ACCSL: variants seen among roughly 807,000 people sequenced by gnomAD.
ACCSL encodes the protein 1-aminocyclopropane-1-carboxylate synthase homolog (inactive) like, also known as probable inactive 1-aminocyclopropane-1-carboxylate synthase-like protein 2.
In ACCSL, 55 loss-of-function variants were observed where a neutral mutation model predicts 61.7. That is an observed-to-expected ratio of 0.89 (90% CI 0.72 to 1.12). ACCSL has a LOEUF of 1.12. ACCSL is among the 50% of genes most tolerant of loss of function. The pLI, the probability that ACCSL is intolerant of heterozygous loss-of-function variation, is 0.00. For synonymous variants in ACCSL, 258 were observed against 264.3 expected (o/e 0.98, Z 0.23); for missense variants, 632 against 698.0 (o/e 0.91, Z 1.07).
At chr11:43,949,051 A>G in the ACCSL span, among the ~76,000 whole-genome samples, 2 of 151,946 alleles carry the variant, frequency 1.3e-5, no homozygotes, top group South Asian at 4.2e-4. Flanking sequence ...ATGGACAACC[A>G]CTCTCAGGGC....
At chr11:43,986,422 C>T in the ACCSL span, among the ~76,000 whole-genome samples, 1 of 151,890 alleles carries the variant, frequency 6.6e-6, no homozygotes, top group Non-Finnish European at 1.5e-5. Context: ...AGAGTAAGAC[C>T]CGGGCTTTAC....
chr11:43,992,628 C>T, the ACCSL span, among the ~76,000 whole-genome samples: 1 of 150,018 alleles, frequency 6.7e-6, no homozygotes, highest in Non-Finnish European at 1.5e-5. Context: ...ACTTAGTTTA[C>T]CCAAGTGAAA....
At chr11:44,019,757 G>A in the ACCSL span, among the ~76,000 whole-genome samples, 1 of 152,150 alleles carries the variant, frequency 6.6e-6, no homozygotes. Flanking sequence ...TGTTGATGAA[G>A]TTCAATTTAA....
the ACCSL span, among the ~76,000 whole-genome samples, chr11:43,931,590 TC>T: frequency 6.6e-6 from 1 of 152,164 alleles, no homozygotes; most frequent in East Asian, 1.9e-4. Context: ...TTGGGAAAGT[TC>T]CCTGACATCT....
At chr11:43,936,888 C>G in the ACCSL span, among the ~76,000 whole-genome samples, 9 of 152,112 alleles carry the variant, frequency 5.9e-5, no homozygotes, top group Admixed American at 5.9e-4. Context: ...CCACCCCCCC[C>G]TCCTGCCCTC....
the ACCSL span, among the ~76,000 whole-genome samples, chr11:43,955,006 T>C: frequency 1.3e-5 from 2 of 152,242 alleles, no homozygotes; most frequent in African/African-American, 4.8e-5. Flanking sequence ...GATTGCTCTT[T>C]GTTAGGAAAG....
rs1475575217 is a variant in ACCSL, at chr11:44,052,735, G to C, written c.846G>C (p.Leu282Phe). 1 of 1,614,108 alleles carries C rather than the reference G, an allele frequency of 6.2e-7. No individual in the cohort carries two copies. The highest frequency in any genetic ancestry group is 8.5e-7 in the Non-Finnish European group (1 of 1,180,012). ...CCCGCCTGTATGCAAAGGTTGAGTT[G>C]ATTCCTGTCCACCTGGAGAGTGAGG... is the stretch of plus-strand genomic sequence containing the variant. ...FSSRLYAKVE[L>F]IPVHLESEVT... Residue 282 changes from leucine (L) to phenylalanine (F), a missense_variant, in exon 6 of 14, where the codon TTG (leucine) becomes TTC (phenylalanine). By Grantham distance (22) the Leu-to-Phe change is conservative. Coordinates refer to ENST00000378832, the MANE Select transcript of ACCSL (RefSeq NM_001031854.2).
At chr11:44,038,509 T>G in the ACCSL span, among the ~76,000 whole-genome samples, 2 of 152,250 alleles carry the variant, frequency 1.3e-5, no homozygotes, top group Admixed American at 6.5e-5. Flanking sequence ...GACAGGGCTT[T>G]CCAGTGGAGA....
chr11:44,055,080 G>T (rs1952662850), intron 8 of ACCSL, 122 bp from the exon 9 acceptor site: 1 of 664,180 alleles, frequency 1.5e-6, no homozygotes, highest in Non-Finnish European at 2.5e-6. Context: ...TGCATGATCT[G>T]TGTCCAGAGA....
At chr11:43,947,928 G>A in the ACCSL span, among the ~76,000 whole-genome samples, 1 of 152,198 alleles carries the variant, frequency 6.6e-6, no homozygotes, top group Non-Finnish European at 1.5e-5. Flanking sequence ...CAGCTGGCTG[G>A]ATTTATAGGC....
At chr11:43,925,289 C>G in the ACCSL span, 2 of 445,648 alleles carry the variant, frequency 4.5e-6, no homozygotes, top group African/African-American at 4.0e-5. Context: ...CTATCAAATG[C>G]TTAGGCCAGT....
At chr11:43,949,535 C>T in the ACCSL span, among the ~76,000 whole-genome samples, 3 of 152,152 alleles carry the variant, frequency 2.0e-5, no homozygotes, top group African/African-American at 7.2e-5. Context: ...TACTTACTGG[C>T]CGGGCATGGT....
intron 13 of ACCSL, among the ~76,000 whole-genome samples, chr11:44,059,523 G>A (rs533541321): frequency 6.6e-6 from 1 of 152,344 alleles, no homozygotes; most frequent in African/African-American, 2.4e-5. Flanking sequence ...TTTTGAGCTA[G>A]CATAGAAGAT....
At chr11:43,997,815 C>T in the ACCSL span, among the ~76,000 whole-genome samples, 1 of 152,212 alleles carries the variant, frequency 6.6e-6, no homozygotes, top group African/African-American at 2.4e-5. Flanking sequence ...TTAGGGGATT[C>T]AGCAGTGCTA....
chr11:43,998,278 G>A, the ACCSL span, among the ~76,000 whole-genome samples: 1 of 152,306 alleles, frequency 6.6e-6, no homozygotes, highest in South Asian at 2.1e-4. Context: ...CTCCTGGAGG[G>A]CGAGTGTGTG....
At position 44,058,427 on chromosome 11, in the gene ACCSL, T is replaced by C; in HGVS notation, c.1438T>C (p.Ser480Pro). ...ALEIPFHNRS[S>P]GLYVWINLKK... ...GGAGATCCCTTTTCACAACCGCAGCTCTGGCCTCTATGTCTGGATCAACTT... is the reference window on the plus strand; with the variant it reads ...GGAGATCCCTTTTCACAACCGCAGCCCTGGCCTCTATGTCTGGATCAACTT... The change falls in exon 12 of 14, where the codon TCT becomes CCT. Residue 480 changes from serine (S) to proline (P), a missense_variant. By Grantham distance (74) the Ser-to-Pro change is moderately conservative (BLOSUM62 -1). Coordinates refer to ENST00000378832, the MANE Select transcript of ACCSL (RefSeq NM_001031854.2). 6.2e-7 allele frequency: 1 copy of C among 1,614,158 alleles called. No homozygotes were observed. The highest frequency in any genetic ancestry group is 8.5e-7 in the Non-Finnish European group (1 of 1,180,016).
chr11:44,033,543 C>G, the ACCSL span, among the ~76,000 whole-genome samples: 1 of 152,148 alleles, frequency 6.6e-6, no homozygotes, highest in Non-Finnish European at 1.5e-5. Flanking sequence ...CCCCAGCATG[C>G]CCAGGGCTGA....
At chr11:44,059,305 C>G (rs1181501983) in intron 13 of ACCSL, among the ~76,000 whole-genome samples, 1 of 152,140 alleles carries the variant, frequency 6.6e-6, no homozygotes, top group Non-Finnish European at 1.5e-5. Flanking sequence ...GGACTGGCAG[C>G]CTAGTAAGTG....
upstream of ACCSL, among the ~76,000 whole-genome samples, chr11:44,047,456 C>T (rs1355803930): frequency 1.3e-5 from 2 of 152,152 alleles, no homozygotes; most frequent in Non-Finnish European, 1.5e-5. Flanking sequence ...TGGTCTCTGT[C>T]ACGTGGTCTC....
Sources: gnomAD v4.1 joint callset for allele counts (sites outside exome capture counted in the v4.1 genomes callset) on GRCh38, gnomAD v4.1.1 for gene constraint, MANE v1.5 for transcripts, NCBI Gene and HGNC (gene_info 2026-07-23, HGNC 2026-07-21) for gene names.